Variants in ZNF510 observed in about 807,000 individuals in gnomAD.
ZNF510 encodes the protein zinc finger protein 510.
In ZNF510, 15 loss-of-function variants were observed where a neutral mutation model predicts 18.1. That is an observed-to-expected ratio of 0.83 (90% CI 0.55 to 1.28). The LOEUF is 1.28. Among genes scored for constraint, ZNF510 ranks in the 50% most tolerant of loss-of-function variants. The pLI, the probability that ZNF510 is intolerant of heterozygous loss-of-function variation, is 0.00. For synonymous variants in ZNF510, 261 were observed against 266.4 expected (o/e 0.98, Z 0.20); for missense variants, 724 against 791.8 (o/e 0.91, Z 1.03).
chr9:96,762,520 AAAAG>A lies in ZNF510; in HGVS notation c.352+594_352+597del, dbSNP rs1434684631. 2.3e-3 allele frequency among the ~76,000 whole-genome samples: 327 copies of A among 142,018 alleles called. 3 individuals carry two copies. The highest frequency in any genetic ancestry group is 9.3e-3 in the African/African-American group (298 of 32,002). The allele number at this position is 142,018 out of a possible 152,430, so 93.2% of individuals were successfully genotyped here. ...GGAGACTCCGTCTCAAAAAAAAAAAAAAAGAAAAGAAAAAGAAAACATCCTCCTG... is the reference window on the plus strand; with the variant it reads ...GGAGACTCCGTCTCAAAAAAAAAAAAAAAAGAAAAAGAAAACATCCTCCTG... On this transcript the variant is annotated intron_variant, in intron 5 of 5. Coordinates refer to ENST00000223428, the MANE Select transcript of ZNF510 (RefSeq NM_014930.3).
chr9:96,772,586 A>G (rs1849604606), intron 3 of ZNF510, among the ~76,000 whole-genome samples: 1 of 152,232 alleles, frequency 6.6e-6, no homozygotes, highest in Non-Finnish European at 1.5e-5. Flanking sequence ...TATATATTAC[A>G]TAAAAAGAAA....
chr9:96,761,467 A>G (rs751083827), intron 5 of ZNF510, among the ~76,000 whole-genome samples: 6 of 151,762 alleles, frequency 4.0e-5, no homozygotes, highest in Non-Finnish European at 8.9e-5. Flanking sequence ...TTTCATGTGC[A>G]ACTTAATACT....
chr9:96,763,890 G>C (rs1849412634), intron 3 of ZNF510, among the ~76,000 whole-genome samples: 1 of 152,140 alleles, frequency 6.6e-6, no homozygotes, highest in African/African-American at 2.4e-5. Context: ...GAGCCCAGGA[G>C]TTCAAGACCA....
rs1316153232 is a variant in ZNF510 at position 96,755,523 on chromosome 9, G to C, written c.*3255C>G. On this transcript the variant is annotated 3_prime_UTR_variant, in exon 6 of 6. Transcript: ENST00000223428. ...TGGTAAGGCTGCTGGCAGTTCTACA[G>C]TTACAATGTAACTGGCCTATGATAT... Among the ~76,000 whole-genome samples, 2 of 152,132 alleles carry C rather than the reference G, an allele frequency of 1.3e-5. No individual in the cohort carries two copies. Among genetic ancestry groups the C allele is most frequent in the Non-Finnish European group, 2.9e-5 (2 of 68,030 alleles).
chr9:96,773,200 A>G (rs1032051501), intron 3 of ZNF510, among the ~76,000 whole-genome samples: 1 of 152,166 alleles, frequency 6.6e-6, no homozygotes, highest in Non-Finnish European at 1.5e-5. Flanking sequence ...CAGTGGTGTT[A>G]TCTTAATCTG....
rs1258708934 is a variant in ZNF510, at chr9:96,759,402, C to T, written c.1428G>A (p.Arg476=). The change falls in exon 6 of 6, where the codon AGG becomes AGA. Residue 476 remains arginine (R), a synonymous_variant. Transcript: ENST00000223428. ...CTCCTGTGTGAATTCTTTGATGTCC[C>T]CTGAGGGTTGACTTCTGGACAAATG... The part of the protein sequence containing the change: ...GKTFVQKSTL[R]GHQRIHTGEK... The T allele has an allele frequency of 3.1e-6, 5 of 1,613,788 alleles. No homozygotes were observed. The highest frequency in any genetic ancestry group is 4.2e-6 in the Non-Finnish European group (5 of 1,179,944).
chr9:96,759,624 TTTCATCATTGAGTGAC>T lies in ZNF510; in HGVS notation c.1190_1205del (p.Ser397AsnfsTer269), dbSNP rs770655387. 5 of 1,613,750 alleles carry T rather than the reference TTTCATCATTGAGTGAC, an allele frequency of 3.1e-6. No individual in the cohort carries two copies. The highest frequency in any genetic ancestry group is 1.7e-5 in the Admixed American group (1 of 60,000). ...TCCCACATTCATTACATTTATAGGG[TTTCATCATTGAGTGAC>T]TTCTTCGGCGAACTCTGTGAACCGA... On this transcript the variant is annotated frameshift_variant, in exon 6 of 6. Transcript: ENST00000223428. LOFTEE classifies it low-confidence loss of function (END_TRUNC).
intron 5 of ZNF510, among the ~76,000 whole-genome samples, chr9:96,762,636 A>C (rs1011215948): frequency 1.3e-5 from 2 of 152,180 alleles, no homozygotes; most frequent in Admixed American, 6.5e-5. Context: ...AAGACTTGGC[A>C]TTGCCATATT....
chr9:96,772,957 AC>A (rs1313001368), intron 3 of ZNF510, among the ~76,000 whole-genome samples: 1 of 152,216 alleles, frequency 6.6e-6, no homozygotes, highest in Non-Finnish European at 1.5e-5. Context: ...AACAGGAAAA[AC>A]AAATGAAAAA....
intron 3 of ZNF510, among the ~76,000 whole-genome samples, chr9:96,769,667 A>C: frequency 6.6e-6 from 1 of 152,330 alleles, no homozygotes; most frequent in Non-Finnish European, 1.5e-5. Context: ...GAAAATATTC[A>C]CAAATACTAC....
At chr9:96,765,472 C>A (rs1849448155) in intron 3 of ZNF510, among the ~76,000 whole-genome samples, 1 of 151,900 alleles carries the variant, frequency 6.6e-6, no homozygotes, top group Non-Finnish European at 1.5e-5. Flanking sequence ...CTATTTAGTG[C>A]CATATTTACT....
chr9:96,774,920 G>C, intron 2 of ZNF510, 74 bp from the exon 3 acceptor site: 1 of 1,356,816 alleles, frequency 7.4e-7, no homozygotes, highest in African/African-American at 1.5e-5. Flanking sequence ...CATCACACCA[G>C]CTGGGGAAAA....
chr9:96,776,775 ACT>A (rs1849712447), intron 1 of ZNF510, among the ~76,000 whole-genome samples: 1 of 151,998 alleles, frequency 6.6e-6, no homozygotes, highest in East Asian at 1.9e-4. Context: ...ACAGAGAGAA[ACT>A]CAGTCCCCTC....
intron 3 of ZNF510, among the ~76,000 whole-genome samples, chr9:96,769,478 A>AAAT (rs1245175370): frequency 2.0e-5 from 3 of 151,750 alleles, no homozygotes; most frequent in African/African-American, 4.9e-5. Context: ...TCAAAGACCT[A>AAAT]AATATAAGAG....
chr9:96,763,267 C>T, intron 4 of ZNF510, 54 bp from the exon 5 acceptor site: 1 of 1,568,740 alleles, frequency 6.4e-7, no homozygotes. Context: ...ATTTTAGTCT[C>T]CAAAAGTGGA....
chr9:96,772,010 C>T (rs1245282348), intron 3 of ZNF510, among the ~76,000 whole-genome samples: 1 of 152,056 alleles, frequency 6.6e-6, no homozygotes, highest in South Asian at 2.1e-4. Context: ...TAAATAAATT[C>T]ACAAAATTTG....
chr9:96,776,286 C>G, intron 1 of ZNF510, 41 bp from the exon 2 acceptor site: 1 of 813,182 alleles, frequency 1.2e-6, no homozygotes, highest in Non-Finnish European at 1.8e-6. Flanking sequence ...GAAGCTGGGG[C>G]TGATGCCTGG....
chr9:96,773,727 C>T (rs1318973708), intron 3 of ZNF510, among the ~76,000 whole-genome samples: 1 of 152,192 alleles, frequency 6.6e-6, no homozygotes, highest in Non-Finnish European at 1.5e-5. Context: ...AGGCACCCGC[C>T]ACCACGCCCG....
At position 96,759,833 on chromosome 9, in the gene ZNF510, T is replaced by A. The variant is rs1849301359; in HGVS notation, c.997A>T (p.Ile333Leu). ...CTTGGATTTAATTCATAATGTTTTA[T>A]ACCCATATTAAGTTTATTATATTCC... is the stretch of plus-strand genomic sequence containing the variant. ...VEEYNKLNMG[I>L]KHYELNPSGN... is the part of the protein sequence containing the mutation. The change falls in exon 6 of 6, where the codon ATA becomes TTA. Residue 333 changes from isoleucine (I) to leucine (L), a missense_variant. Transcript: ENST00000223428. 1.2e-6 allele frequency: 2 copies of A among 1,613,784 alleles called. No homozygotes were observed. Among genetic ancestry groups the A allele is most frequent in the Admixed American group, 1.7e-5 (1 of 60,022 alleles).
Sources: gnomAD v4.1 joint callset for allele counts (sites outside exome capture counted in the v4.1 genomes callset) on GRCh38, gnomAD v4.1.1 for gene constraint, MANE v1.5 for transcripts, NCBI Gene and HGNC (gene_info 2026-07-23, HGNC 2026-07-21) for gene names.